The following SOX30 variants were observed in gnomAD, a reference collection of about 807,000 sequenced individuals.
SOX30 encodes the protein transcription factor SOX-30.
A neutral mutation model predicts 58.6 loss-of-function variants in SOX30; 17 were observed. That is an observed-to-expected ratio of 0.29 (90% CI 0.20 to 0.44). The LOEUF (loss-of-function observed/expected upper bound fraction) is 0.44. Among genes scored for constraint, SOX30 ranks in the 20% least tolerant of loss-of-function variants. SOX30 has a pLI of 1.00. For missense variants in SOX30, 951 were observed against 965.8 expected (o/e 0.98, Z 0.20); for synonymous variants, 421 against 400.2 (o/e 1.05, Z -0.62).
intron 4 of SOX30, among the ~76,000 whole-genome samples, chr5:157,628,021 A>C (rs1758700282): frequency 1.3e-5 from 2 of 151,580 alleles, no homozygotes; most frequent in South Asian, 2.1e-4. Context: ...CAAATCCAAA[A>C]TTTCTGCCAT....
chr5:157,666,763 T>C (rs1489612200), intron 2 of SOX30, among the ~76,000 whole-genome samples: 1 of 152,164 alleles, frequency 6.6e-6, no homozygotes, highest in African/African-American at 2.4e-5. Flanking sequence ...TGGAGTGCAG[T>C]GGCACAATCT....
intron 4 of SOX30, among the ~76,000 whole-genome samples, chr5:157,636,849 C>T (rs1027770752): frequency 6.6e-6 from 1 of 152,000 alleles, no homozygotes; most frequent in African/African-American, 2.4e-5. Context: ...AAGGCTAGGC[C>T]GGGAATGGTG....
At position 157,651,873 on chromosome 5, in the gene SOX30, C is replaced by T. The variant is rs1236770031; in HGVS notation, c.206G>A (p.Arg69Gln). 1.3e-6 allele frequency: 2 copies of T among 1,555,036 alleles called. No individual in the cohort carries two copies. The highest frequency in any genetic ancestry group is 2.3e-5 in the East Asian group (1 of 42,858). Residue 69 changes from arginine to glutamine, a missense_variant, in exon 1 of 5, where the codon CGG (arginine) becomes CAG (glutamine). Physicochemically the swap from Arg to Gln is conservative, Grantham distance 43. Transcript: ENST00000265007. ...CTGCTCTGGCTTCACCTGCAGCAGC[C>T]GCCGCACCGCGGGCTGTAAGCCGGA... ...VASGLQPAVR[R>Q]LLQVKPEQVL... is the part of the protein sequence containing the mutation.
chr5:157,629,187 A>G (rs555521691), intron 4 of SOX30, among the ~76,000 whole-genome samples: 3 of 152,304 alleles, frequency 2.0e-5, no homozygotes, highest in Non-Finnish European at 4.4e-5. Context: ...AGAAATGATA[A>G]TCAAGGTGAC....
chr5:157,626,765 T>A, intron 4 of SOX30, 44 bp from the exon 5 acceptor site: 1 of 1,546,968 alleles, frequency 6.5e-7, no homozygotes, highest in Non-Finnish European at 8.7e-7. Context: ...CTTGCCCACA[T>A]ATTGCCTTGC....
chr5:157,667,958 C>G (rs1001363227), intron 1 of SOX30: 1 of 1,263,198 alleles, frequency 7.9e-7, no homozygotes, highest in Non-Finnish European at 1.1e-6. Flanking sequence ...TCAGGCATCA[C>G]GCCTATCTTA....
intron 4 of SOX30, among the ~76,000 whole-genome samples, chr5:157,627,924 G>A (rs1758697384): frequency 6.6e-6 from 1 of 151,842 alleles, no homozygotes. Context: ...AACCCAGAAG[G>A]CGGAGCTTGC....
At chr5:157,669,276 C>T (rs927538264) in intron 1 of SOX30, among the ~76,000 whole-genome samples, 39 of 152,258 alleles carry the variant, frequency 2.6e-4, no homozygotes, top group African/African-American at 8.9e-4. Flanking sequence ...TCACTGCAAC[C>T]TCTGCCTCCT....
intron 1 of SOX30, among the ~76,000 whole-genome samples, chr5:157,669,262 C>T (rs2113861946): frequency 6.6e-6 from 1 of 152,112 alleles, no homozygotes; most frequent in South Asian, 2.1e-4. Flanking sequence ...GGCACTATCT[C>T]GGCTCACTGC....
rs1759344863 is a variant in SOX30, at chr5:157,651,649, G to T, written c.430C>A (p.Pro144Thr). The change falls in exon 1 of 5, where the codon CCC (proline) becomes ACC (threonine). Residue 144 changes from proline (P) to threonine (T), a missense_variant. Coordinates refer to ENST00000265007, the MANE Select transcript of SOX30 (RefSeq NM_178424.2). Reference sequence around the variant, plus strand: ...GGCCCCACTGACTGATCCAGGCTGGGCCCCAGCTTCTGCTTCTTGGCCTTG... The same window carrying T: ...GGCCCCACTGACTGATCCAGGCTGGTCCCCAGCTTCTGCTTCTTGGCCTTG... ...HVKAKKQKLG[P>T]SLDQSVGPRG... 1.2e-6 allele frequency: 2 copies of T among 1,611,912 alleles called. No homozygotes were observed. Among genetic ancestry groups the T allele is most frequent in the Admixed American group, 1.7e-5 (1 of 59,944 alleles).
chr5:157,653,993 C>T (rs1437657645), upstream of SOX30, among the ~76,000 whole-genome samples: 1 of 151,938 alleles, frequency 6.6e-6, no homozygotes, highest in African/African-American at 2.4e-5. Context: ...ATGGTGGAAC[C>T]TCGTCTCTAC....
At chr5:157,660,862 A>G (rs552088984) in intron 2 of SOX30, among the ~76,000 whole-genome samples, 1 of 152,346 alleles carries the variant, frequency 6.6e-6, no homozygotes, top group South Asian at 2.1e-4. Context: ...GTATTTAGAT[A>G]GAAATTATAT....
chr5:157,638,394 G>C lies in SOX30; in HGVS notation c.1716C>G (p.Ser572=), dbSNP rs1362838194. ...GGATTGGAGCACTTCTGGGACAAGG[G>C]GAAACGCTGGAATACTCCCTAGGAG... ...IQPPREYSSV[S]PCPRSAPIPQ... Residue 572 remains serine (S), a synonymous_variant, in exon 4 of 5, where the codon TCC becomes TCG. Transcript: ENST00000265007. 1.5e-5 allele frequency: 24 copies of C among 1,613,768 alleles called. No homozygotes were observed. Among genetic ancestry groups the C allele is most frequent in the African/African-American group, 2.7e-5 (2 of 74,848 alleles).
At chr5:157,665,986 C>A (rs1436001367) in intron 2 of SOX30, among the ~76,000 whole-genome samples, 6 of 145,342 alleles carry the variant, frequency 4.1e-5, no homozygotes, top group Non-Finnish European at 6.0e-5. Context: ...GCTCAAATTT[C>A]AAAGCAATGA....
At chr5:157,639,029 G>A (rs564364842) in intron 3 of SOX30, among the ~76,000 whole-genome samples, 2 of 152,252 alleles carry the variant, frequency 1.3e-5, no homozygotes, top group South Asian at 4.1e-4. Context: ...GTCTGGGGCA[G>A]AAGAGGCCCT....
Position 157,651,132 on chromosome 5 carries a change from G to T in SOX30, c.947C>A (p.Thr316Asn). Reference protein sequence around the residue: ...VKIETKDVPLTVLPSDAGIPD... With the variant: ...VKIETKDVPLNVLPSDAGIPD... Reference sequence around the variant, plus strand: ...AATACCTGCATCTGAGGGCAACACGGTGAGCGGGACATCTTTGGTTTCAAT... The same window carrying T: ...AATACCTGCATCTGAGGGCAACACGTTGAGCGGGACATCTTTGGTTTCAAT... The change falls in exon 1 of 5, where the codon ACC becomes AAC. Residue 316 changes from threonine to asparagine, a missense_variant. Transcript: ENST00000265007. 1 of 1,553,384 alleles carries T rather than the reference G, an allele frequency of 6.4e-7. No homozygotes were observed. The highest frequency in any genetic ancestry group is 8.7e-7 in the Non-Finnish European group (1 of 1,149,664).
intron 4 of SOX30, among the ~76,000 whole-genome samples, chr5:157,630,876 T>TAC (rs1554087704): frequency 6.1e-5 from 8 of 132,026 alleles, no homozygotes; most frequent in Non-Finnish European, 4.7e-5. Flanking sequence ...TATATATATA[T>TAC]ACAATATATA....
intron 4 of SOX30, among the ~76,000 whole-genome samples, chr5:157,631,055 A>ATATATACAATATATATATTT (rs1561578509): frequency 8.3e-5 from 4 of 48,000 alleles, no homozygotes; most frequent in Admixed American, 2.5e-4. Context: ...TTTTATATAT[A>ATATATACAATATATATATTT]TATATATATA....
Position 157,651,748 on chromosome 5 carries a change from G to C in SOX30, c.331C>G (p.Gln111Glu), listed in dbSNP as rs756201148. 1 of 1,555,428 alleles carries C rather than the reference G, an allele frequency of 6.4e-7. No homozygotes were observed. Among genetic ancestry groups the C allele is most frequent in the South Asian group, 1.2e-5 (1 of 85,854 alleles). Residue 111 changes from glutamine to glutamate, a missense_variant, in exon 1 of 5, where the codon CAG (glutamine) becomes GAG (glutamate). Gln to Glu is a conservative substitution (Grantham distance 29, BLOSUM62 2). Around this residue, in one of 7 missense-constraint regions of SOX30, gnomAD observed 363 missense variants for 294.5 expected, o/e 1.23. Transcript: ENST00000265007. ...LQFRPDLRLL[Q>E]PPTASDGATS... Reference sequence around the variant, plus strand: ...GCGCCGTCTGACGCTGTCGGCGGCTGCAGGAGCCGCAGGTCGGGCCTGAAC... The same window carrying C: ...GCGCCGTCTGACGCTGTCGGCGGCTCCAGGAGCCGCAGGTCGGGCCTGAAC...
Sources: gnomAD v4.1 joint callset for allele counts (sites outside exome capture counted in the v4.1 genomes callset) on GRCh38, gnomAD v4.1.1 for gene constraint, gnomAD v4.1.1 regional missense constraint, MANE v1.5 for transcripts, NCBI Gene and HGNC (gene_info 2026-07-23, HGNC 2026-07-21) for gene names.